CLTA: variants seen among roughly 807,000 people sequenced by gnomAD.
The protein encoded by CLTA is clathrin light chain A.
A neutral mutation model predicts 26.9 loss-of-function variants in CLTA; 9 were observed. The observed-to-expected ratio is 0.33, with a 90% CI of 0.20 to 0.58. The LOEUF (loss-of-function observed/expected upper bound fraction) is 0.58, where lower values mean the gene tolerates loss of function less well. Ranked by LOEUF, CLTA falls within the 20% of genes least tolerant of loss-of-function variation. The pLI is 0.85. For synonymous variants in CLTA, 120 were observed against 115.5 expected, an observed-to-expected ratio of 1.04 and a Z score of -0.25; for missense variants, 278 against 294.2, an observed-to-expected ratio of 0.94 and a Z score of 0.40.
In CLTA at chr9:36,191,249, C is replaced by A; in HGVS notation, c.193C>A (p.His65Asn). Residue 65 changes from histidine (H) to asparagine (N), a missense_variant, in exon 1 of 5, where the codon CAC becomes AAC. By Grantham distance (68) the His-to-Asn change is moderately conservative. Coordinates refer to ENST00000345519, the MANE Select transcript of CLTA (RefSeq NM_001833.4). The stretch of plus-strand genomic sequence containing the variant: ...CGGCGGCGCCCCCGGGCCCCAGCCG[C>A]ACGGCGAGCCGCCGGGGGGTCCGGG... ...LDGGAPGPQP[H>N]GEPPGGPDAV... 1 of 1,531,048 alleles carries A rather than the reference C, an allele frequency of 6.5e-7. No individual in the cohort carries two copies. The highest frequency in any genetic ancestry group is 1.2e-5 in the South Asian group (1 of 83,190). 94.8% of individuals were successfully genotyped at this position (1,531,048 alleles called of 1,614,324 possible).
intron 3 of CLTA, among the ~76,000 whole-genome samples, chr9:36,203,665 T>C (rs1032654422): frequency 7.2e-5 from 11 of 152,230 alleles, no homozygotes; most frequent in Admixed American, 3.9e-4. Context: ...TTGGCAGCAT[T>C]GGTAAAGAAT....
Position 36,191,259 on chromosome 9 carries a change from C to T in CLTA, c.203C>T (p.Pro68Leu). 1.3e-6 allele frequency: 2 copies of T among 1,527,138 alleles called. No individual in the cohort carries two copies. The highest frequency in any genetic ancestry group is 1.8e-6 in the Non-Finnish European group (2 of 1,142,006). The allele number at this position is 1,527,138 out of a possible 1,614,324, so 94.6% of individuals were successfully genotyped here. A position where few individuals can be genotyped will look rare whatever the true frequency, so the allele number is the denominator to read the frequency against. ...GAPGPQPHGE[P>L]PGGPDAVDGV... Reference sequence around the variant, plus strand: ...CCCGGGCCCCAGCCGCACGGCGAGCCGCCGGGGGGTCCGGGTGAGAGTGCG... The same window carrying T: ...CCCGGGCCCCAGCCGCACGGCGAGCTGCCGGGGGGTCCGGGTGAGAGTGCG... Residue 68 changes from proline (P) to leucine (L), a missense_variant, in exon 1 of 5, where the codon CCG becomes CTG. Transcript: ENST00000345519.
chr9:36,210,580 T>C, intron 4 of CLTA: 2 of 1,613,930 alleles, frequency 1.2e-6, no homozygotes, highest in African/African-American at 1.3e-5. Context: ...TTTCTATATC[T>C]GACTTAAAGT....
Position 36,191,190 on chromosome 9 carries a change from G to A in CLTA, c.134G>A (p.Gly45Asp). Residue 45 changes from glycine to aspartate, a missense_variant, in exon 1 of 5, where the codon GGC becomes GAC. By Grantham distance (94) the Gly-to-Asp change is moderately conservative (BLOSUM62 -1). Coordinates refer to ENST00000345519, the MANE Select transcript of CLTA (RefSeq NM_001833.4). ...GCGCAGCAAGAGAGCGAGATTGCGGGCATCGAGAACGACGAGGCCTTCGCC... is the reference window on the plus strand; with the variant it reads ...GCGCAGCAAGAGAGCGAGATTGCGGACATCGAGAACGACGAGGCCTTCGCC... ...FLAQQESEIA[G>D]IENDEAFAIL... is the part of the protein sequence containing the mutation. 6.3e-7 allele frequency: 1 copy of A among 1,585,346 alleles called. No homozygotes were observed. Among genetic ancestry groups the A allele is most frequent in the East Asian group, 2.3e-5 (1 of 43,240 alleles).
chr9:36,204,932 A>G (rs1036982059), intron 4 of CLTA, among the ~76,000 whole-genome samples: 1 of 152,200 alleles, frequency 6.6e-6, no homozygotes, highest in Non-Finnish European at 1.5e-5. Context: ...TAGTCAATCC[A>G]TTCACTTCAG....
In CLTA at chr9:36,205,725, CCG is replaced by C. The variant is rs1827679560; in HGVS notation, c.485+1547_485+1548del. The stretch of plus-strand genomic sequence containing the variant: ...AAGGGATATTCTCTGTATACAGAAT[CCG>C]TTGTTCTCAGAGGGAGTAATGACAC... On this transcript the variant is annotated intron_variant, in intron 4 of 4. Transcript: ENST00000345519. 5.4e-5 allele frequency among the ~76,000 whole-genome samples: 8 copies of C among 148,956 alleles called. No individual in the cohort carries two copies. In the South Asian group the frequency reaches 1.7e-3, roughly 32 times the overall value.
intron 3 of CLTA, among the ~76,000 whole-genome samples, chr9:36,200,861 G>A (rs1722087073): frequency 6.6e-6 from 1 of 152,112 alleles, no homozygotes; most frequent in South Asian, 2.1e-4. Flanking sequence ...CTACCATATT[G>A]GACAGTGGAG....
chr9:36,201,923 G>T (rs1399526710), intron 3 of CLTA, among the ~76,000 whole-genome samples: 4 of 151,876 alleles, frequency 2.6e-5, no homozygotes, highest in African/African-American at 7.3e-5. Context: ...ACCAGCCTGG[G>T]CACCATAGTG....
At chr9:36,205,942 A>G (rs1252955267) in intron 4 of CLTA, among the ~76,000 whole-genome samples, 3 of 151,862 alleles carry the variant, frequency 2.0e-5, no homozygotes, top group African/African-American at 7.3e-5. Context: ...TTCTGTTTTT[A>G]GTAGAAACAA....
rs755893419 is a variant in CLTA at position 36,212,053 on chromosome 9, A to G, written c.*279A>G. On this transcript the variant is annotated 3_prime_UTR_variant, in exon 5 of 5. Transcript: ENST00000345519. ...ATTCTGAGAATAAATTTCTGTTTCA[A>G]ACTGTATTATGTGAAGCTTCTTTAT... 1.6e-5 allele frequency: 9 copies of G among 550,152 alleles called. No individual in the cohort carries two copies. Among genetic ancestry groups the G allele is most frequent in the African/African-American group, 3.8e-5 (2 of 52,850 alleles). 34.1% of individuals were successfully genotyped at this position (550,152 alleles called of 1,614,324 possible). A position where few individuals can be genotyped will look rare whatever the true frequency, so the allele number is the denominator to read the frequency against.
intron 1 of CLTA, 134 bp downstream of exon 1, chr9:36,191,407 A>G (rs1210884979): frequency 1.8e-6 from 2 of 1,083,784 alleles, no homozygotes; most frequent in Non-Finnish European, 2.5e-6. Flanking sequence ...AGGAAACGAG[A>G]CCCTGGCCCG....
At chr9:36,210,533 C>G in intron 4 of CLTA, 2 of 1,596,936 alleles carry the variant, frequency 1.3e-6, no homozygotes, top group Non-Finnish European at 1.7e-6. Context: ...AAGGGCATGT[C>G]CAGCTTACTG....
chr9:36,203,617 G>A (rs1020065227), intron 3 of CLTA, among the ~76,000 whole-genome samples: 9 of 152,204 alleles, frequency 5.9e-5, no homozygotes, highest in Non-Finnish European at 1.3e-4. Context: ...GGGAGAAGAG[G>A]TAAAAGATTA....
rs776865961 is a variant in CLTA at position 36,191,232 on chromosome 9, C to T, written c.176C>T (p.Ala59Val). Residue 59 changes from alanine (A) to valine (V), a missense_variant, in exon 1 of 5, where the codon GCC becomes GTC. Physicochemically the swap from Ala to Val is moderately conservative, Grantham distance 64. Coordinates refer to ENST00000345519, the MANE Select transcript of CLTA (RefSeq NM_001833.4). ...DEAFAILDGG[A>V]PGPQPHGEPP... ...GCCTTCGCCATCCTGGACGGCGGCGCCCCCGGGCCCCAGCCGCACGGCGAG... is the reference window on the plus strand; with the variant it reads ...GCCTTCGCCATCCTGGACGGCGGCGTCCCCGGGCCCCAGCCGCACGGCGAG... 1.6e-5 allele frequency: 24 copies of T among 1,540,376 alleles called. No homozygotes were observed. The highest frequency in any genetic ancestry group is 2.0e-5 in the Non-Finnish European group (23 of 1,147,288).
intron 1 of CLTA, among the ~76,000 whole-genome samples, chr9:36,195,510 G>T (rs1272717793): frequency 6.7e-6 from 1 of 148,926 alleles, no homozygotes; most frequent in Non-Finnish European, 1.5e-5. Context: ...CCATGAGTTT[G>T]TTTTTTTTTT....
At chr9:36,205,784 G>T (rs1827687812) in intron 4 of CLTA, among the ~76,000 whole-genome samples, 1 of 133,018 alleles carries the variant, frequency 7.5e-6, no homozygotes, top group Admixed American at 8.0e-5. Context: ...TTTTGAGATG[G>T]AGTCTTGCTC....
Position 36,211,818 on chromosome 9 carries a change from T to G in CLTA, c.*44T>G, listed in dbSNP as rs375726403. The G allele has an allele frequency of 2.0e-4, 303 of 1,482,108 alleles. 1 individual carries two copies. The African/African-American group carries it at 2.3e-3, about 11-fold the overall frequency. 91.8% of individuals were successfully genotyped at this position (1,482,108 alleles called of 1,614,324 possible). Reference sequence around the variant, plus strand: ...CACTACATCTGCAATATCTTAATCCTACTCAGTGAAGCTCTTCACAGTCAT... The same window carrying G: ...CACTACATCTGCAATATCTTAATCCGACTCAGTGAAGCTCTTCACAGTCAT... On this transcript the variant is annotated 3_prime_UTR_variant, in exon 5 of 5. Transcript: ENST00000345519.
At chr9:36,207,143 C>T (rs1181910659) in intron 4 of CLTA, among the ~76,000 whole-genome samples, 1 of 152,206 alleles carries the variant, frequency 6.6e-6, no homozygotes, top group Non-Finnish European at 1.5e-5. Context: ...GCGCCTGGCA[C>T]TGCACTGGGG....
At chr9:36,199,661 A>G (rs1401225419) in intron 3 of CLTA, among the ~76,000 whole-genome samples, 1 of 151,040 alleles carries the variant, frequency 6.6e-6, no homozygotes, top group Non-Finnish European at 1.5e-5. Context: ...TCACCGTGTT[A>G]GCCAGGTTGG....
Sources: gnomAD v4.1 joint callset for allele counts (sites outside exome capture counted in the v4.1 genomes callset) on GRCh38, gnomAD v4.1.1 for gene constraint, MANE v1.5 for transcripts, NCBI Gene and HGNC (gene_info 2026-07-23, HGNC 2026-07-21) for gene names.